SLC12A7: variants seen among roughly 807,000 people sequenced by gnomAD.
SLC12A7 encodes the protein K-Cl cotransporter 4.
A neutral mutation model predicts 120.6 loss-of-function variants in SLC12A7; 100 were observed. That is an observed-to-expected ratio of 0.83 (90% CI 0.71 to 0.98). The LOEUF is 0.98. Ranked by LOEUF, SLC12A7 falls within the 50% of genes least tolerant of loss-of-function variation. SLC12A7 has a pLI of 0.00. For synonymous variants in SLC12A7, 760 were observed against 678.0 expected, an observed-to-expected ratio of 1.12 and a Z score of -1.88; for missense variants, 1,373 against 1,548.1, an observed-to-expected ratio of 0.89 and a Z score of 1.90.
chr5:1,077,809 C>G (rs759434714), intron 12 of SLC12A7, 24 bp downstream of exon 12: 1 of 1,547,282 alleles, frequency 6.5e-7, no homozygotes, highest in Admixed American at 2.0e-5. Flanking sequence ...TCCAGGGTCC[C>G]CCCGACGAGG....
chr5:1,068,972 T>C (rs1199821079), intron 17 of SLC12A7, among the ~76,000 whole-genome samples: 4 of 152,262 alleles, frequency 2.6e-5, no homozygotes, highest in Non-Finnish European at 5.9e-5. Context: ...GGATTCCTCC[T>C]AAGAGCATTC....
intron 17 of SLC12A7, among the ~76,000 whole-genome samples, chr5:1,073,343 G>A (rs985689209): frequency 2.6e-5 from 4 of 152,226 alleles, no homozygotes; most frequent in Non-Finnish European, 4.4e-5. Context: ...GCTTGCAGCA[G>A]AACCATGATT....
rs111589007 is a variant in SLC12A7, at chr5:1,073,356, G to A, written c.2241+277C>T. 2.0e-3 allele frequency among the ~76,000 whole-genome samples: 301 copies of A among 151,588 alleles called. 1 individual carries two copies. The highest frequency in any genetic ancestry group is 6.9e-3 in the African/African-American group (283 of 40,902). On this transcript the variant is annotated intron_variant, in intron 17 of 23. Coordinates refer to ENST00000264930, the MANE Select transcript of SLC12A7 (RefSeq NM_006598.3). ...GAGCTTGCAGCAGAACCATGATTAC[G>A]GCTCTGGACGGGGCTCACCCATGGC...
intron 17 of SLC12A7, among the ~76,000 whole-genome samples, chr5:1,067,245 C>G (rs1388305267): frequency 1.3e-5 from 2 of 152,344 alleles, no homozygotes; most frequent in South Asian, 2.1e-4. Context: ...GGCCTGAACA[C>G]GTTACCCCCA....
intron 22 of SLC12A7, 76 bp downstream of exon 22, chr5:1,057,395 G>A (rs948308926): frequency 1.4e-6 from 2 of 1,458,926 alleles, no homozygotes; most frequent in African/African-American, 2.8e-5. Context: ...AGTGGTCAGG[G>A]AAGGGACTCT....
chr5:1,057,517 T>C lies in SLC12A7; in HGVS notation c.2980A>G (p.Arg994Gly). 6.2e-7 allele frequency: 1 copy of C among 1,613,350 alleles called. No homozygotes were observed. The stretch of plus-strand genomic sequence containing the variant: ...TTGAAACCAGATAGGCTGGTGTCTC[T>C]GCTCCTGTACTTCTCAGCGATCAGC... ...EKLIAEKYRS[R>G]DTSLSGFKDL... Residue 994 changes from arginine (R) to glycine (G), a missense_variant, in exon 22 of 24, where the codon AGA (arginine) becomes GGA (glycine). Transcript: ENST00000264930.
chr5:1,089,439 G>C (rs1740252321), intron 3 of SLC12A7, among the ~76,000 whole-genome samples: 1 of 152,122 alleles, frequency 6.6e-6, no homozygotes, highest in African/African-American at 2.4e-5. Flanking sequence ...AAACAAGAGG[G>C]AGAACGAGAG....
intron 20 of SLC12A7, among the ~76,000 whole-genome samples, chr5:1,060,923 A>ACCGCACCCG (rs1736117478): frequency 3.6e-5 from 5 of 139,704 alleles, no homozygotes; most frequent in African/African-American, 1.6e-4. Context: ...CATTGCACCC[A>ACCGCACCCG]CCGTGCGGGA....
At chr5:1,107,551 G>A (rs1020759638) in intron 1 of SLC12A7, among the ~76,000 whole-genome samples, 4 of 152,172 alleles carry the variant, frequency 2.6e-5, no homozygotes, top group South Asian at 2.1e-4. Flanking sequence ...CAAGGTCTCC[G>A]ACATTCACCG....
At chr5:1,137,235 C>A in the SLC12A7 span, among the ~76,000 whole-genome samples, 3 of 152,182 alleles carry the variant, frequency 2.0e-5, no homozygotes, top group African/African-American at 7.2e-5. Flanking sequence ...GTGCCCTCTT[C>A]CCAGAGCACT....
intron 8 of SLC12A7, among the ~76,000 whole-genome samples, chr5:1,082,393 A>G (rs11739927): frequency 0.013 from 584 of 46,058 alleles, no homozygotes; most frequent in South Asian, 0.024. Context: ...TGGAAAGTCC[A>G]GGCTTCCCGT....
chr5:1,107,206 G>GA (rs1419765838), intron 1 of SLC12A7, among the ~76,000 whole-genome samples: 1 of 152,232 alleles, frequency 6.6e-6, no homozygotes, highest in Non-Finnish European at 1.5e-5. Context: ...TCTTTGAGAA[G>GA]AAAAGCCGGA....
intron 9 of SLC12A7, 112 bp downstream of exon 9, chr5:1,081,465 T>A: frequency 8.9e-7 from 1 of 1,124,852 alleles, no homozygotes; most frequent in East Asian, 2.5e-5. Context: ...GAGGCTGCAG[T>A]GAGCCGTGAT....
At chr5:1,124,739 C>T in the SLC12A7 span, among the ~76,000 whole-genome samples, 2 of 152,098 alleles carry the variant, frequency 1.3e-5, no homozygotes, top group East Asian at 3.9e-4. Context: ...GGGCGACGAC[C>T]GTGAGAACAG....
rs1453737199 is a variant in SLC12A7, at chr5:1,085,415, G to T, written c.734C>A (p.Ala245Asp). The change falls in exon 7 of 24, where the codon GCC becomes GAC. Residue 245 changes from alanine to aspartate, a missense_variant. By Grantham distance (126) the Ala-to-Asp change is moderately radical (BLOSUM62 -2). Coordinates refer to ENST00000264930, the MANE Select transcript of SLC12A7 (RefSeq NM_006598.3). Reference protein sequence around the residue: ...FQAEAAGGEAAAMLHNMRVYG... With the variant: ...FQAEAAGGEADAMLHNMRVYG... ...CACACGCATGTTGTGCAGCATGGCG[G>T]CCGCCTCGCCACCTGCAGCCTCCGC... is the stretch of plus-strand genomic sequence containing the variant. 6.8e-6 allele frequency: 11 copies of T among 1,609,556 alleles called. No homozygotes were observed. The highest frequency in any genetic ancestry group is 9.3e-6 in the Non-Finnish European group (11 of 1,178,690).
At chr5:1,120,895 C>A in the SLC12A7 span, among the ~76,000 whole-genome samples, 2 of 152,362 alleles carry the variant, frequency 1.3e-5, no homozygotes, top group East Asian at 3.9e-4. Flanking sequence ...GGGCTTGGAA[C>A]GGCCACGCTT....
intron 8 of SLC12A7, among the ~76,000 whole-genome samples, chr5:1,083,275 C>T (rs1056836382): frequency 2.6e-4 from 39 of 151,268 alleles, no homozygotes; most frequent in African/African-American, 9.0e-4. Flanking sequence ...CTGGGCTTCC[C>T]GTCTCGGGTT....
chr5:1,078,147 C>T lies in SLC12A7; in HGVS notation c.1455-140G>A, dbSNP rs372459710. 3.1e-4 allele frequency: 332 copies of T among 1,071,636 alleles called. 1 individual carries two copies. In the South Asian group the frequency reaches 4.8e-3, roughly 16 times the overall value. The allele number at this position is 1,071,636 out of a possible 1,614,324, so 66.4% of individuals were successfully genotyped here. On this transcript the variant is annotated intron_variant, in intron 11 of 23. Transcript: ENST00000264930. ...AAGCTGAGGCCCGGCCTCCAGTCCC[C>T]GTTGGCTGAAACCTCCACCAGGCTC... is the stretch of plus-strand genomic sequence containing the variant.
chr5:1,112,163 G>T, upstream of SLC12A7: 1 of 772,436 alleles, frequency 1.3e-6, no homozygotes, highest in Non-Finnish European at 1.7e-6. Flanking sequence ...GGCCCGCGGC[G>T]ACTTCCTGCA....
Sources: gnomAD v4.1 joint callset for allele counts (sites outside exome capture counted in the v4.1 genomes callset) on GRCh38, gnomAD v4.1.1 for gene constraint, MANE v1.5 for transcripts, NCBI Gene and HGNC (gene_info 2026-07-23, HGNC 2026-07-21) for gene names.